MMUT: variants seen among roughly 807,000 people sequenced by gnomAD.
MMUT encodes the protein methylmalonyl-CoA mutase, mitochondrial.
In MMUT, 79 loss-of-function variants were observed where a neutral mutation model predicts 79.9. The observed-to-expected ratio is 0.99, with a 90% confidence interval of 0.82 to 1.19. The LOEUF is 1.19. Among genes scored for constraint, MMUT ranks in the 50% most tolerant of loss-of-function variants. The pLI is 0.00. For missense variants in MMUT, 860 were observed against 917.2 expected (o/e 0.94, Z 0.81); for synonymous variants, 273 against 295.7 (o/e 0.92, Z 0.79).
At position 49,444,606 on chromosome 6, in the gene MMUT, T is replaced by C. The variant is rs566802616; in HGVS notation, c.1676+33A>G. 5 of 1,566,966 alleles carry C rather than the reference T, an allele frequency of 3.2e-6. No individual in the cohort carries two copies. The South Asian group carries it at 5.5e-5, about 17-fold the overall frequency. On this transcript the variant is annotated intron_variant, in intron 9 of 12. Coordinates refer to ENST00000274813, the MANE Select transcript of MMUT (RefSeq NM_000255.4). ...AAAAGCTAAACTGGTCAACTTTTAG[T>C]CTTTGGAAACCTCCAAACTTATATA...
intron 8 of MMUT, among the ~76,000 whole-genome samples, chr6:49,445,941 T>C (rs1767401352): frequency 6.6e-6 from 1 of 152,000 alleles, no homozygotes. Flanking sequence ...GTAAATCGAG[T>C]AAATAACGAA....
At chr6:49,450,539 C>A (rs1422710428) in intron 6 of MMUT, among the ~76,000 whole-genome samples, 1 of 152,000 alleles carries the variant, frequency 6.6e-6, no homozygotes, top group African/African-American at 2.4e-5. Flanking sequence ...AGAATGGCAT[C>A]AAATTTCTGA....
At chr6:49,447,572 T>G in intron 8 of MMUT, 98 bp downstream of exon 8, 2 of 709,800 alleles carry the variant, frequency 2.8e-6, no homozygotes, top group South Asian at 3.2e-5. Context: ...CCTCATGCTG[T>G]TGTAAGGATT....
At chr6:49,461,928 T>C (rs886809822) in intron 1 of MMUT, among the ~76,000 whole-genome samples, 1 of 152,176 alleles carries the variant, frequency 6.6e-6, no homozygotes, top group South Asian at 2.1e-4. Context: ...CTAAACTGTT[T>C]CAATAGTAAT....
chr6:49,455,224 A>G (rs1158949220), intron 4 of MMUT, among the ~76,000 whole-genome samples: 1 of 152,192 alleles, frequency 6.6e-6, no homozygotes, highest in Non-Finnish European at 1.5e-5. Flanking sequence ...GGAGTCTCAT[A>G]TCTGTTTCTG....
At position 49,453,059 on chromosome 6, in the gene MMUT, T is replaced by TTTTTTG. The variant is rs398048522; in HGVS notation, c.1083+525_1083+526insCAAAAA. On this transcript the variant is annotated intron_variant, in intron 5 of 12. Transcript: ENST00000274813. ...TCTTTGTTTTTTTTTTTTTTTTTTT[T>TTTTTTG]AGACGTAGTTGTGCTCTTGTTGCCC... 6.5e-5 allele frequency among the ~76,000 whole-genome samples: 9 copies of TTTTTTG among 139,024 alleles called. 2 individuals are homozygous for TTTTTTG. The highest frequency in any genetic ancestry group is 2.3e-4 in the South Asian group (1 of 4,298). 91.2% of individuals were successfully genotyped at this position (139,024 alleles called of 152,430 possible). A position where few individuals can be genotyped will look rare whatever the true frequency, so the allele number is the denominator to read the frequency against.
chr6:49,447,142 A>C (rs1158572081), intron 8 of MMUT, among the ~76,000 whole-genome samples: 1 of 151,944 alleles, frequency 6.6e-6, no homozygotes, highest in Admixed American at 6.6e-5. Context: ...AAAATAAATA[A>C]AGTTTATTGT....
intron 9 of MMUT, 65 bp downstream of exon 9, chr6:49,444,574 T>G: frequency 7.7e-7 from 1 of 1,304,042 alleles, no homozygotes; most frequent in Non-Finnish European, 1.1e-6. Flanking sequence ...TATTTAAGTA[T>G]ACTCTGAAAA....
At chr6:49,435,391 C>A (rs1428707833) in intron 12 of MMUT, 65 bp downstream of exon 12, 2 of 1,459,088 alleles carry the variant, frequency 1.4e-6, no homozygotes, top group African/African-American at 2.8e-5. Flanking sequence ...TCTTTAGAAC[C>A]ACAAATAAGC....
intron 7 of MMUT, 114 bp downstream of exon 7, chr6:49,448,702 C>G (rs1202710947): frequency 2.3e-6 from 2 of 873,192 alleles, no homozygotes; most frequent in Admixed American, 4.0e-5. Flanking sequence ...AAAAATTTAC[C>G]CAAGTTCCAT....
intron 8 of MMUT, 75 bp downstream of exon 8, chr6:49,447,595 A>T: frequency 1.2e-6 from 1 of 818,970 alleles, no homozygotes. Context: ...TTTAAGCAGG[A>T]CAGTTTAAAA....
rs1766984858 is a variant in MMUT, at chr6:49,431,761, C to T, written c.2220G>A (p.Glu740=). 6.2e-7 allele frequency: 1 copy of T among 1,613,908 alleles called. No individual in the cohort carries two copies. The highest frequency in any genetic ancestry group is 2.2e-5 in the East Asian group (1 of 44,848). The change falls in exon 13 of 13, where the codon GAG becomes GAA. Residue 740 remains glutamate (E), a synonymous_variant. Coordinates refer to ENST00000274813, the MANE Select transcript of MMUT (RefSeq NM_000255.4). ...KAAVQVLDDI[E]KCLEKKQQSV is the part of the protein sequence containing the mutation. ...ATTGCTGCTTCTTTTCCAAACACTTCTCAATATCATCAAGCACCTGAACGG... is the reference window on the plus strand; with the variant it reads ...ATTGCTGCTTCTTTTCCAAACACTTTTCAATATCATCAAGCACCTGAACGG...
chr6:49,456,243 T>TAAA lies in MMUT; in HGVS notation c.754-9_754-7dup. 3 of 1,301,962 alleles carry TAAA rather than the reference T, an allele frequency of 2.3e-6. No homozygotes were observed. Among genetic ancestry groups the TAAA allele is most frequent in the Non-Finnish European group, 1.0e-6 (1 of 954,514 alleles). The allele number at this position is 1,301,962 out of a possible 1,614,324, so 80.7% of individuals were successfully genotyped here. ...GAATTAAATTTTGGCATGTGCTACA[T>TAAA]AAAAAAAAAAATTGTAACAGTGAAT... On this transcript the variant is annotated splice_polypyrimidine_tract_variant and splice_region_variant and intron_variant, in intron 3 of 12. Transcript: ENST00000274813.
chr6:49,460,585 C>T (rs1767817239), intron 1 of MMUT, among the ~76,000 whole-genome samples: 1 of 152,168 alleles, frequency 6.6e-6, no homozygotes, highest in African/African-American at 2.4e-5. Context: ...TGATCAAAAT[C>T]CCACCTCACA....
chr6:49,432,982 A>AT (rs1767026042), intron 12 of MMUT, among the ~76,000 whole-genome samples: 1 of 152,186 alleles, frequency 6.6e-6, no homozygotes, highest in Admixed American at 6.6e-5. Flanking sequence ...TGTCTCTATT[A>AT]TATACTTGTA....
intron 4 of MMUT, among the ~76,000 whole-genome samples, chr6:49,455,127 T>TAA (rs140479543): frequency 5.3e-5 from 8 of 151,152 alleles, no homozygotes; most frequent in Non-Finnish European, 8.8e-5. Flanking sequence ...GTATGCTTCT[T>TAA]AAAAAAATAT....
intron 12 of MMUT, among the ~76,000 whole-genome samples, chr6:49,434,561 GTTC>G (rs1767075073): frequency 6.6e-6 from 1 of 152,138 alleles, no homozygotes; most frequent in Admixed American, 6.5e-5. Flanking sequence ...TTCATATACA[GTTC>G]TTCTAACTTG....
chr6:49,433,090 C>G (rs1319332754), intron 12 of MMUT, among the ~76,000 whole-genome samples: 2 of 152,162 alleles, frequency 1.3e-5, no homozygotes, highest in Non-Finnish European at 2.9e-5. Context: ...GAGATCATGT[C>G]CAATCTGTTT....
At chr6:49,461,168 G>GTTGCTAAGCT (rs1767830591) in intron 1 of MMUT, among the ~76,000 whole-genome samples, 1 of 152,160 alleles carries the variant, frequency 6.6e-6, no homozygotes, top group Non-Finnish European at 1.5e-5. Flanking sequence ...TCAGAAGAAT[G>GTTGCTAAGCT]GTTACTTAAT....
Sources: allele counts gnomAD v4.1 joint callset (sites outside exome capture counted in the v4.1 genomes callset), GRCh38; gene constraint gnomAD v4.1.1; transcripts MANE v1.5; gene names NCBI Gene and HGNC (gene_info 2026-07-23, HGNC 2026-07-21).